The following RBMS3 variants were observed in gnomAD, a reference collection of about 807,000 sequenced individuals.
RBMS3 encodes the protein RNA-binding motif, single-stranded-interacting protein 3.
RBMS3 carries 27 observed loss-of-function variants against 66.8 expected under a neutral mutation model. The ratio of observed to expected loss-of-function variants is 0.40; its 90% CI spans 0.30 to 0.56. RBMS3 has a LOEUF of 0.56. RBMS3 is among the 20% of genes least tolerant of loss of function. The pLI, the probability that RBMS3 is intolerant of heterozygous loss-of-function variation, is 0.40. For missense variants in RBMS3, 513 were observed against 549.5 expected (o/e 0.93, Z 0.66); for synonymous variants, 188 against 183.0 (o/e 1.03, Z -0.22).
At chr3:29,449,569 A>G (rs1282230485) in intron 2 of RBMS3, among the ~76,000 whole-genome samples, 1 of 152,252 alleles carries the variant, frequency 6.6e-6, no homozygotes, top group Non-Finnish European at 1.5e-5. Context: ...AAATAACAAA[A>G]TAAGAAGAGG....
At chr3:29,710,618 T>G (rs2053121218) in intron 4 of RBMS3, among the ~76,000 whole-genome samples, 1 of 152,186 alleles carries the variant, frequency 6.6e-6, no homozygotes, top group South Asian at 2.1e-4. Flanking sequence ...AGAATCAGCT[T>G]CAAGTGAAAA....
chr3:29,558,992 A>G (rs545120472), intron 3 of RBMS3, among the ~76,000 whole-genome samples: 1 of 152,352 alleles, frequency 6.6e-6, no homozygotes, highest in East Asian at 1.9e-4. Flanking sequence ...AATACTGTAT[A>G]AAAATCACAA....
Position 30,007,639 on chromosome 3 carries a change from G to A in RBMS3, c.*3777G>A, listed in dbSNP as rs1235460499. 1 of 152,036 alleles carries A rather than the reference G, an allele frequency of 6.6e-6. No homozygotes were observed. Among genetic ancestry groups the A allele is most frequent in the Non-Finnish European group, 1.5e-5 (1 of 67,960 alleles). The allele number at this position is 152,036 out of a possible 1,614,324, so 9.4% of individuals were successfully genotyped here. ...TAAAGACAACGTAATGAGCCCAAGT[G>A]AACTGAAGGTCATACTGGCAGGTGC... On this transcript the variant is annotated 3_prime_UTR_variant, in exon 15 of 15. Coordinates refer to ENST00000383767, the MANE Select transcript of RBMS3 (RefSeq NM_001003793.3).
intron 6 of RBMS3, among the ~76,000 whole-genome samples, chr3:29,794,325 G>A (rs141214779): frequency 0.013 from 1,948 of 152,272 alleles, 43 homozygotes; most frequent in African/African-American, 0.045. Context: ...GGTGGCTCAC[G>A]CCTGTAATCC....
chr3:29,959,500 A>T (rs1696268196), intron 12 of RBMS3, among the ~76,000 whole-genome samples: 1 of 152,156 alleles, frequency 6.6e-6, no homozygotes, highest in African/African-American at 2.4e-5. Flanking sequence ...CATGATTCTG[A>T]TGGTGAGTTT....
chr3:29,992,184 T>C (rs979618689), intron 14 of RBMS3, among the ~76,000 whole-genome samples: 1 of 152,192 alleles, frequency 6.6e-6, no homozygotes, highest in Non-Finnish European at 1.5e-5. Context: ...TTATTTAAAA[T>C]AATTTTTCTT....
intron 4 of RBMS3, among the ~76,000 whole-genome samples, chr3:29,722,296 C>A (rs1234386461): frequency 6.6e-6 from 1 of 151,506 alleles, no homozygotes. Context: ...ACATCTCTTA[C>A]ATTTGCTTTA....
At chr3:29,716,972 C>G (rs938762338) in intron 4 of RBMS3, among the ~76,000 whole-genome samples, 2 of 151,900 alleles carry the variant, frequency 1.3e-5, no homozygotes, top group Non-Finnish European at 2.9e-5. Flanking sequence ...ATTTTAGCAG[C>G]AGCATTTTAT....
At chr3:29,996,030 T>G (rs200173131) in intron 14 of RBMS3, among the ~76,000 whole-genome samples, 8 of 151,942 alleles carry the variant, frequency 5.3e-5, no homozygotes, top group African/African-American at 7.3e-5. Flanking sequence ...CCCATCTCAC[T>G]TGCAGAGACA....
intron 10 of RBMS3, among the ~76,000 whole-genome samples, chr3:29,933,474 A>G (rs1023042991): frequency 3.3e-5 from 5 of 151,266 alleles, no homozygotes; most frequent in Non-Finnish European, 7.4e-5. Flanking sequence ...CATTTCTCCC[A>G]GGAGTTCCTA....
At chr3:29,290,940 A>AG (rs1363643715) in intron 1 of RBMS3, among the ~76,000 whole-genome samples, 1 of 151,892 alleles carries the variant, frequency 6.6e-6, no homozygotes, top group Non-Finnish European at 1.5e-5. Flanking sequence ...ATGTTGAAAA[A>AG]GCTTTTATAA....
intron 12 of RBMS3, among the ~76,000 whole-genome samples, chr3:29,958,649 G>T (rs972726319): frequency 2.0e-5 from 3 of 151,930 alleles, no homozygotes; most frequent in African/African-American, 7.3e-5. Context: ...CACACTACCG[G>T]CATTTGTGCT....
intron 1 of RBMS3, among the ~76,000 whole-genome samples, chr3:29,316,322 G>A (rs1169286687): frequency 6.6e-6 from 1 of 151,376 alleles, no homozygotes; most frequent in Non-Finnish European, 1.5e-5. Context: ...GTTTCTTCTG[G>A]GATTGCTATT....
chr3:29,437,450 GT>G (rs1309444519), intron 2 of RBMS3, among the ~76,000 whole-genome samples: 1 of 152,190 alleles, frequency 6.6e-6, no homozygotes, highest in Non-Finnish European at 1.5e-5. Flanking sequence ...TGTTTTTTAT[GT>G]GCATTTGATA....
intron 4 of RBMS3, among the ~76,000 whole-genome samples, chr3:29,601,901 CT>C (rs909016581): frequency 2.6e-5 from 4 of 151,992 alleles, no homozygotes; most frequent in African/African-American, 9.7e-5. Context: ...GCTGTGAGGT[CT>C]TGAGTAGAGT....
intron 3 of RBMS3, among the ~76,000 whole-genome samples, chr3:29,518,744 T>G (rs2044738242): frequency 6.6e-6 from 1 of 152,244 alleles, no homozygotes; most frequent in Non-Finnish European, 1.5e-5. Flanking sequence ...AGAGGTCTAC[T>G]TATACACTGT....
At chr3:29,312,650 C>T (rs1054660999) in intron 1 of RBMS3, among the ~76,000 whole-genome samples, 1 of 151,356 alleles carries the variant, frequency 6.6e-6, no homozygotes, top group African/African-American at 2.4e-5. Flanking sequence ...ATGTCTGTCC[C>T]TTTGTCACTC....
At chr3:29,501,013 G>A (rs193250411) in intron 3 of RBMS3, among the ~76,000 whole-genome samples, 1 of 152,252 alleles carries the variant, frequency 6.6e-6, no homozygotes, top group Admixed American at 6.5e-5. Flanking sequence ...TTGTAATTAA[G>A]CATCTGCTAT....
chr3:29,486,073 T>C (rs1360885064), intron 2 of RBMS3, among the ~76,000 whole-genome samples: 1 of 152,152 alleles, frequency 6.6e-6, no homozygotes, highest in African/African-American at 2.4e-5. Context: ...AAAGCATAAT[T>C]TCATAGGTAT....
Sources: gnomAD v4.1 joint callset for allele counts (sites outside exome capture counted in the v4.1 genomes callset) on GRCh38, gnomAD v4.1.1 for gene constraint, MANE v1.5 for transcripts, NCBI Gene and HGNC (gene_info 2026-07-23, HGNC 2026-07-21) for gene names.